KALRN: variants seen among roughly 807,000 people sequenced by gnomAD.
KALRN encodes kalirin RhoGEF kinase.
KALRN carries 70 observed loss-of-function variants against 353.7 expected under a neutral mutation model. The ratio of observed to expected loss-of-function variants is 0.20; its 90% CI spans 0.16 to 0.24. The LOEUF (loss-of-function observed/expected upper bound fraction) is 0.24, where lower values mean the gene tolerates loss of function less well. Among genes scored for constraint, KALRN ranks in the 10% least tolerant of loss-of-function variants. The pLI is 1.00. For missense variants in KALRN, 2,791 were observed against 3,756.7 expected, an observed-to-expected ratio of 0.74 and a Z score of 6.72; for synonymous variants, 1,391 against 1,434.8, an observed-to-expected ratio of 0.97 and a Z score of 0.69.
chr3:124,498,611 T>G (rs190938057), intron 33 of KALRN, among the ~76,000 whole-genome samples: 1 of 152,342 alleles, frequency 6.6e-6, no homozygotes, highest in African/African-American at 2.4e-5. Flanking sequence ...AACTACCTTC[T>G]CTGGCCTTAG....
Position 124,384,953 on chromosome 3 carries a change from C to A in KALRN, c.1879C>A (p.Arg627Ser). 1.2e-6 allele frequency: 2 copies of A among 1,614,044 alleles called. No individual in the cohort carries two copies. The highest frequency in any genetic ancestry group is 1.6e-4 in the Middle Eastern group (1 of 6,062). ...IYKAARHLEV[R>S]IQDFVRRVEQ... is the part of the protein sequence containing the mutation. ...CAAGGCAGCTCGACACCTGGAGGTG[C>A]GCATCCAAGACTTCGTGCGCAGGGT... is the stretch of plus-strand genomic sequence containing the variant. Residue 627 changes from arginine (R) to serine (S), a missense_variant, in exon 11 of 60, where the codon CGC becomes AGC. Arg to Ser is a moderately radical substitution (Grantham distance 110). Transcript: ENST00000682506.
rs556913606 is a variant in KALRN, at chr3:124,476,082, G to T, written c.4102-1163G>T. On this transcript the variant is annotated intron_variant, in intron 26 of 59. Coordinates refer to ENST00000682506, the MANE Select transcript of KALRN (RefSeq NM_001388419.1). ...AGGTAGTACATAGTTCCAAAAACTGGTTTCAGAAAATTTTTTGATTGGATA... is the reference window on the plus strand; with the variant it reads ...AGGTAGTACATAGTTCCAAAAACTGTTTTCAGAAAATTTTTTGATTGGATA... Among the ~76,000 whole-genome samples, 8 of 151,988 alleles carry T rather than the reference G, an allele frequency of 5.3e-5. No homozygotes were observed. In the East Asian group the frequency reaches 9.7e-4, roughly 18 times the overall value.
In KALRN at chr3:124,702,885, T is replaced by A. The variant is rs1035243388; in HGVS notation, c.8075+769T>A. ...ATAAAACAGATAAAAATATGACTTT[T>A]AACAGAAAAATTAAAAATCTATCAC... On this transcript the variant is annotated intron_variant, in intron 57 of 59. Coordinates refer to ENST00000682506, the MANE Select transcript of KALRN (RefSeq NM_001388419.1). Among the ~76,000 whole-genome samples the A allele has an allele frequency of 1.4e-4, 22 of 152,254 alleles. 1 individual carries two copies. The South Asian group carries it at 1.7e-3, about 11-fold the overall frequency.
chr3:124,376,155 A>C (rs974013643), intron 10 of KALRN, among the ~76,000 whole-genome samples: 3 of 152,222 alleles, frequency 2.0e-5, no homozygotes, highest in Non-Finnish European at 4.4e-5. Flanking sequence ...CCTCAGAGAT[A>C]GTCTCAGTAC....
intron 5 of KALRN, among the ~76,000 whole-genome samples, chr3:124,287,865 A>AAT (rs1011414791): frequency 4.1e-5 from 5 of 122,182 alleles, no homozygotes; most frequent in Admixed American, 9.2e-5. Flanking sequence ...ATGTATATTT[A>AAT]ATATATATAT....
chr3:124,654,319 C>T (rs76183765), intron 38 of KALRN, among the ~76,000 whole-genome samples: 2,040 of 152,300 alleles, frequency 0.013, 46 homozygotes, highest in African/African-American at 0.046. Flanking sequence ...CTGCTTCCTC[C>T]CCATTGCCCA....
chr3:124,504,892 A>C, intron 33 of KALRN: 1 of 503,026 alleles, frequency 2.0e-6, no homozygotes, highest in Non-Finnish European at 4.1e-6. Context: ...CAAATCTGAG[A>C]GCAAGCCAAG....
chr3:124,726,277 C>T lies in KALRN; in HGVS notation c.*6807C>T, dbSNP rs1469299445. Reference sequence around the variant, plus strand: ...GTTATGGATGAAACTTCAAAATGTACATCTCACATGTTATGCATTCCTATA... The same window carrying T: ...GTTATGGATGAAACTTCAAAATGTATATCTCACATGTTATGCATTCCTATA... On this transcript the variant is annotated 3_prime_UTR_variant, in exon 60 of 60. Transcript: ENST00000682506. 3 of 152,134 alleles carry T rather than the reference C, an allele frequency of 2.0e-5. No individual in the cohort carries two copies. Among genetic ancestry groups the T allele is most frequent in the Admixed American group, 2.0e-4 (3 of 15,266 alleles). The allele number at this position is 152,134 out of a possible 1,614,324, so 9.4% of individuals were successfully genotyped here.
rs73860939 is a variant in KALRN, at chr3:124,267,235, G to A, written c.457-1508G>A. ...TAAGTATAATGATGGAGGACTTCCC[G>A]GAAGTGGTAAACTTTGAGCCAAATT... On this transcript the variant is annotated intron_variant, in intron 4 of 59. Transcript: ENST00000682506. Among the ~76,000 whole-genome samples, 869 of 152,260 alleles carry A rather than the reference G, an allele frequency of 5.7e-3. 14 individuals are homozygous for A. Among genetic ancestry groups the A allele is most frequent in the African/African-American group, 0.02 (840 of 41,556 alleles).
intron 34 of KALRN, 148 bp downstream of exon 34, chr3:124,563,237 T>C: frequency 1.2e-6 from 1 of 849,650 alleles, no homozygotes; most frequent in Non-Finnish European, 1.6e-6. Context: ...GTGAAGAGAA[T>C]GGGTTGGGAA....
intron 34 of KALRN, among the ~76,000 whole-genome samples, chr3:124,563,894 C>T (rs952064451): frequency 6.6e-6 from 1 of 151,664 alleles, no homozygotes; most frequent in African/African-American, 2.4e-5. Flanking sequence ...ACTTGGGAGG[C>T]TGAGGCAGGA....
In KALRN at chr3:124,717,332, A is replaced by G. The variant is rs377011587; in HGVS notation, c.8362A>G (p.Met2788Val). 15 of 1,612,702 alleles carry G rather than the reference A, an allele frequency of 9.3e-6. No homozygotes were observed. Among genetic ancestry groups the G allele is most frequent in the African/African-American group, 1.3e-5 (1 of 74,900 alleles). Residue 2788 changes from methionine to valine, a missense_variant, in exon 59 of 60, where the codon ATG becomes GTG. Physicochemically the swap from Met to Val is conservative, Grantham distance 21 (BLOSUM62 1). This residue lies in a region of KALRN where 188 missense variants were observed against 402.9 expected (regional missense o/e 0.47). Coordinates refer to ENST00000682506, the MANE Select transcript of KALRN (RefSeq NM_001388419.1). ...AGTAGCTTTCTATATCCGAGACATC[A>G]TGGAGGCTCTGCAGTACCTTCACAA... ...EKVAFYIRDI[M>V]EALQYLHNCR...
chr3:124,660,298 G>C (rs532256767), intron 43 of KALRN, among the ~76,000 whole-genome samples: 1 of 152,152 alleles, frequency 6.6e-6, no homozygotes, highest in African/African-American at 2.4e-5. Flanking sequence ...AAATAGAAAA[G>C]AGAGACTTAA....
In KALRN at chr3:124,175,302, C is replaced by T. The variant is rs555750864; in HGVS notation, c.74-52688C>T. On this transcript the variant is annotated intron_variant, in intron 1 of 59. Transcript: ENST00000682506. Reference sequence around the variant, plus strand: ...CTAGCGCTGTGTGCACTGCCTAGGGCCCAGGCCTGCTCTCCAGGATGCGGA... The same window carrying T: ...CTAGCGCTGTGTGCACTGCCTAGGGTCCAGGCCTGCTCTCCAGGATGCGGA... Among the ~76,000 whole-genome samples, 36 of 151,990 alleles carry T rather than the reference C, an allele frequency of 2.4e-4. 1 individual carries two copies. The highest frequency in any genetic ancestry group is 1.9e-4 in the East Asian group (1 of 5,166).
intron 8 of KALRN, among the ~76,000 whole-genome samples, chr3:124,331,477 A>G (rs2080548311): frequency 6.6e-6 from 1 of 152,234 alleles, no homozygotes; most frequent in South Asian, 2.1e-4. Flanking sequence ...TAAAAAAATA[A>G]AATGAAGGTA....
At chr3:124,479,716 ATTTTTTTT>A (rs142639039) in intron 27 of KALRN, among the ~76,000 whole-genome samples, 4 of 86,798 alleles carry the variant, frequency 4.6e-5, no homozygotes, top group African/African-American at 8.4e-5. Flanking sequence ...ACGATCCAGA[ATTTTTTTT>A]TTTTTTTTTT....
chr3:124,088,039 G>T (rs891869964), intron 1 of KALRN, among the ~76,000 whole-genome samples: 2 of 152,022 alleles, frequency 1.3e-5, no homozygotes, highest in African/African-American at 4.8e-5. Context: ...CCAATATACT[G>T]AGTTTTGTGT....
rs1421474629 is a variant in KALRN at position 124,557,302 on chromosome 3, A to G, written c.4936-5541A>G. ...ATGTTATTGTTGTAAAATTTTCTTC[A>G]TTTGAAAAAATGCTATTATGAGCAT... is the stretch of plus-strand genomic sequence containing the variant. On this transcript the variant is annotated intron_variant, in intron 33 of 59. Coordinates refer to ENST00000682506, the MANE Select transcript of KALRN (RefSeq NM_001388419.1). 2.0e-5 allele frequency among the ~76,000 whole-genome samples: 3 copies of G among 152,118 alleles called. 1 individual carries two copies. Among genetic ancestry groups the G allele is most frequent in the East Asian group, 1.9e-4 (1 of 5,192 alleles).
At chr3:124,575,749 T>G (rs1157380400) in intron 34 of KALRN, among the ~76,000 whole-genome samples, 1 of 152,156 alleles carries the variant, frequency 6.6e-6, no homozygotes. Flanking sequence ...TGATCCTCCT[T>G]CCATGGTAAT....
Sources: allele counts gnomAD v4.1 joint callset (sites outside exome capture counted in the v4.1 genomes callset), GRCh38; gene constraint gnomAD v4.1.1; regional missense constraint gnomAD v4.1.1; transcripts MANE v1.5; gene names NCBI Gene and HGNC (gene_info 2026-07-23, HGNC 2026-07-21).